Variants in ARHGAP24 observed in about 807,000 individuals in gnomAD.
ARHGAP24 encodes Rho GTPase activating protein 24.
A neutral mutation model predicts 76.4 loss-of-function variants in ARHGAP24; 50 were observed. The observed-to-expected ratio is 0.65, with a 90% CI of 0.52 to 0.83. The LOEUF is 0.83. Ranked by LOEUF, ARHGAP24 falls within the 40% of genes least tolerant of loss-of-function variation. ARHGAP24 has a pLI of 0.00. For missense variants in ARHGAP24, 930 were observed against 914.2 expected, an observed-to-expected ratio of 1.02 and a Z score of -0.22; for synonymous variants, 345 against 323.3, an observed-to-expected ratio of 1.07 and a Z score of -0.72.
chr4:85,930,213 C>T lies in ARHGAP24; in HGVS notation c.391+6443C>T, dbSNP rs369011180. 5 of 982,776 alleles carry T rather than the reference C, an allele frequency of 5.1e-6. No individual in the cohort carries two copies. The African/African-American group carries it at 5.2e-5, about 10-fold the overall frequency. 60.9% of individuals were successfully genotyped at this position (982,776 alleles called of 1,614,324 possible). On this transcript the variant is annotated intron_variant, in intron 4 of 9. Transcript: ENST00000395184. Reference sequence around the variant, plus strand: ...TGCTCCCTGCAAAGCTGCCTCCCCCCACAGATCCAAAGAGCCTCTTGGAAT... The same window carrying T: ...TGCTCCCTGCAAAGCTGCCTCCCCCTACAGATCCAAAGAGCCTCTTGGAAT...
At position 86,002,636 on chromosome 4, in the gene ARHGAP24, T is replaced by C. The variant is rs1741079852; in HGVS notation, c.*1914T>C. 6.6e-6 allele frequency: 1 copy of C among 151,936 alleles called. No individual in the cohort carries two copies. Among genetic ancestry groups the C allele is most frequent in the African/African-American group, 2.4e-5 (1 of 41,340 alleles). 9.4% of individuals were successfully genotyped at this position (151,936 alleles called of 1,614,324 possible). ...TATGCATAACTTTTTTTTTCCTCTG[T>C]GCAATTGGAATAATAAAAATACTAC... On this transcript the variant is annotated 3_prime_UTR_variant, in exon 10 of 10. Transcript: ENST00000395184.
chr4:85,959,217 A>G (rs889564838), intron 5 of ARHGAP24, among the ~76,000 whole-genome samples: 2 of 152,230 alleles, frequency 1.3e-5, no homozygotes, highest in Admixed American at 6.5e-5. Context: ...ACTTCCTGAC[A>G]TTGCCATGGC....
intron 2 of ARHGAP24, among the ~76,000 whole-genome samples, chr4:85,575,341 C>T (rs1727328112): frequency 6.6e-6 from 1 of 152,158 alleles, no homozygotes; most frequent in African/African-American, 2.4e-5. Flanking sequence ...TCTTGTCACT[C>T]ACAGGCCACT....
intron 3 of ARHGAP24, among the ~76,000 whole-genome samples, chr4:85,739,966 G>T (rs979549303): frequency 6.6e-6 from 1 of 152,040 alleles, no homozygotes; most frequent in Non-Finnish European, 1.5e-5. Flanking sequence ...ATCCCCTATC[G>T]CCCCTTGCTC....
chr4:85,857,662 G>A (rs1731661507), intron 3 of ARHGAP24, among the ~76,000 whole-genome samples: 1 of 152,188 alleles, frequency 6.6e-6, no homozygotes. Flanking sequence ...AAAGATAGTA[G>A]ATCCTTACTC....
intron 5 of ARHGAP24, among the ~76,000 whole-genome samples, chr4:85,942,788 GC>G (rs1412002586): frequency 6.6e-6 from 1 of 151,886 alleles, no homozygotes; most frequent in Non-Finnish European, 1.5e-5. Context: ...AATAATGGCA[GC>G]CCCAGAGAAG....
intron 2 of ARHGAP24, among the ~76,000 whole-genome samples, chr4:85,701,448 C>A (rs887139214): frequency 1.5e-4 from 23 of 152,228 alleles, no homozygotes; most frequent in African/African-American, 5.5e-4. Flanking sequence ...ATTTCCCACC[C>A]TGAGTACCCA....
At chr4:85,925,326 G>C (rs1296082303) in intron 4 of ARHGAP24, among the ~76,000 whole-genome samples, 1 of 152,182 alleles carries the variant, frequency 6.6e-6, no homozygotes, top group Non-Finnish European at 1.5e-5. Flanking sequence ...TAGCCATCTT[G>C]GTGATCAGAT....
At position 85,889,646 on chromosome 4, in the gene ARHGAP24, A is replaced by G. The variant is rs181286313; in HGVS notation, c.269-34002A>G. Among the ~76,000 whole-genome samples the G allele has an allele frequency of 1.4e-3, 217 of 152,328 alleles. 1 individual carries two copies. Among genetic ancestry groups the G allele is most frequent in the Admixed American group, 0.013 (198 of 15,292 alleles). The stretch of plus-strand genomic sequence containing the variant: ...TAGCTGCTTGTTTACTAATGTGTAC[A>G]GAGCAAAATGGATGGAATGCCAGGG... On this transcript the variant is annotated intron_variant, in intron 3 of 9. Transcript: ENST00000395184.
intron 3 of ARHGAP24, among the ~76,000 whole-genome samples, chr4:85,860,319 G>A (rs1731815402): frequency 6.6e-6 from 1 of 152,128 alleles, no homozygotes; most frequent in Non-Finnish European, 1.5e-5. Context: ...ATATGAGTCA[G>A]AGAATACAAT....
chr4:85,716,309 T>C (rs190441425), intron 2 of ARHGAP24, among the ~76,000 whole-genome samples: 354 of 152,222 alleles, frequency 2.3e-3, no homozygotes, highest in Non-Finnish European at 4.4e-3. Flanking sequence ...ACTAGTGTGG[T>C]TACAAATTGT....
intron 3 of ARHGAP24, among the ~76,000 whole-genome samples, chr4:85,850,020 ATGGTACCAGCTTCTCT>A (rs1415089204): frequency 1.3e-5 from 2 of 152,198 alleles, no homozygotes; most frequent in Non-Finnish European, 2.9e-5. Flanking sequence ...TTCAGAAGAA[ATGGTACCAGCTTCTCT>A]TTGTACCTCT....
At chr4:85,890,890 T>C (rs916192069) in intron 3 of ARHGAP24, among the ~76,000 whole-genome samples, 2 of 152,170 alleles carry the variant, frequency 1.3e-5, no homozygotes, top group African/African-American at 4.8e-5. Context: ...TTTCATTCAC[T>C]TCTAAAGCCC....
At chr4:85,589,840 T>C (rs1436958169) in intron 2 of ARHGAP24, among the ~76,000 whole-genome samples, 1 of 152,200 alleles carries the variant, frequency 6.6e-6, no homozygotes, top group African/African-American at 2.4e-5. Context: ...AAAAATAAAA[T>C]ATGGATTTTT....
intron 3 of ARHGAP24, among the ~76,000 whole-genome samples, chr4:85,723,945 T>A (rs903192182): frequency 1.3e-5 from 2 of 152,208 alleles, no homozygotes; most frequent in African/African-American, 4.8e-5. Context: ...ACATAACAAT[T>A]ACTTTATCTT....
chr4:85,976,938 G>A (rs576850319), intron 7 of ARHGAP24, among the ~76,000 whole-genome samples: 16 of 151,738 alleles, frequency 1.1e-4, no homozygotes, highest in South Asian at 6.3e-4. Flanking sequence ...GCCCGCCACC[G>A]CACCCAGCTC....
chr4:85,867,898 C>CATATATATATATATATATATATATAT (rs113874290), intron 3 of ARHGAP24, among the ~76,000 whole-genome samples: 53 of 106,726 alleles, frequency 5.0e-4, no homozygotes, highest in Non-Finnish European at 6.1e-4. Flanking sequence ...TGTGTGTGTA[C>CATATATATATATATATATATATATAT]ATATATATAT....
intron 1 of ARHGAP24, among the ~76,000 whole-genome samples, chr4:85,492,123 C>G (rs904606393): frequency 6.7e-6 from 1 of 150,048 alleles, no homozygotes; most frequent in Non-Finnish European, 1.5e-5. Context: ...TTCTTCTGTT[C>G]TTTGCCTTTT....
At chr4:85,510,517 CT>C (rs1389674031) in intron 1 of ARHGAP24, among the ~76,000 whole-genome samples, 3 of 149,134 alleles carry the variant, frequency 2.0e-5, no homozygotes, top group African/African-American at 7.4e-5. Context: ...CCCTCTCCCC[CT>C]CACTCTCCCA....
Sources: gnomAD v4.1 joint callset for allele counts (sites outside exome capture counted in the v4.1 genomes callset) on GRCh38, gnomAD v4.1.1 for gene constraint, MANE v1.5 for transcripts, NCBI Gene and HGNC (gene_info 2026-07-23, HGNC 2026-07-21) for gene names.